The following CA13 variants were observed in gnomAD, a reference collection of about 807,000 sequenced individuals.
CA13 encodes carbonic anhydrase 13.
A neutral mutation model predicts 31.5 loss-of-function variants in CA13; 21 were observed. The observed-to-expected ratio is 0.67, with a 90% CI of 0.47 to 0.96. CA13 has a LOEUF of 0.96. Among genes scored for constraint, CA13 ranks in the 40% least tolerant of loss-of-function variants. CA13 has a pLI of 0.00. For missense variants in CA13, 315 were observed against 318.9 expected (o/e 0.99, Z 0.09); for synonymous variants, 117 against 111.4 (o/e 1.05, Z -0.32).
intron 4 of CA13, chr8:85,267,104 A>T (rs947613672): frequency 6.1e-6 from 2 of 328,220 alleles, no homozygotes; most frequent in African/African-American, 4.5e-5. Context: ...TTTTTAAAAA[A>T]ATTTTATTGT....
intron 6 of CA13, among the ~76,000 whole-genome samples, chr8:85,274,238 G>T (rs1487415865): frequency 2.6e-5 from 4 of 152,272 alleles, no homozygotes; most frequent in African/African-American, 9.6e-5. Flanking sequence ...CATAGGGGTG[G>T]CGTGAGCACC....
chr8:85,259,149 T>C (rs1807343562), intron 2 of CA13, among the ~76,000 whole-genome samples: 1 of 152,216 alleles, frequency 6.6e-6, no homozygotes, highest in Admixed American at 6.5e-5. Context: ...GAAGTCCTAA[T>C]TTCTATGCCT....
At chr8:85,278,799 T>C (rs942911571) in intron 6 of CA13, among the ~76,000 whole-genome samples, 11 of 152,112 alleles carry the variant, frequency 7.2e-5, no homozygotes, top group African/African-American at 2.7e-4. Flanking sequence ...TAGGGGAAAA[T>C]AAGTAAACAG....
intron 1 of CA13, among the ~76,000 whole-genome samples, chr8:85,248,538 T>C (rs908894179): frequency 2.6e-5 from 4 of 151,278 alleles, no homozygotes; most frequent in African/African-American, 9.7e-5. Context: ...GATGGGAGGA[T>C]TGCCTGAGGC....
At chr8:85,255,471 T>G (rs1314388529) in intron 2 of CA13, among the ~76,000 whole-genome samples, 1 of 151,966 alleles carries the variant, frequency 6.6e-6, no homozygotes, top group African/African-American at 2.4e-5. Flanking sequence ...GCCATGTTGG[T>G]CAAGCTGGTC....
chr8:85,247,595 A>T (rs1813754604), intron 1 of CA13, among the ~76,000 whole-genome samples: 1 of 152,006 alleles, frequency 6.6e-6, no homozygotes, highest in Admixed American at 6.6e-5. Flanking sequence ...TTTTGAGATG[A>T]GTCTTGCTCT....
chr8:85,269,583 T>C (rs1807500597), intron 6 of CA13, among the ~76,000 whole-genome samples: 2 of 152,164 alleles, frequency 1.3e-5, no homozygotes, highest in Non-Finnish European at 2.9e-5. Context: ...ACAAAAACTT[T>C]TGTTGGGCTG....
intron 6 of CA13, among the ~76,000 whole-genome samples, chr8:85,280,261 A>T (rs2130020129): frequency 6.6e-6 from 1 of 152,318 alleles, no homozygotes; most frequent in South Asian, 2.1e-4. Context: ...GCCTGGTGAC[A>T]CAGCAAGACT....
At chr8:85,252,384 T>A (rs571792890) in intron 2 of CA13, among the ~76,000 whole-genome samples, 68 of 152,260 alleles carry the variant, frequency 4.5e-4, no homozygotes, top group African/African-American at 1.2e-3. Flanking sequence ...TTAATTTTTT[T>A]AAAAAAATAA....
At chr8:85,276,154 G>A (rs1305486325) in intron 6 of CA13, among the ~76,000 whole-genome samples, 1 of 152,074 alleles carries the variant, frequency 6.6e-6, no homozygotes, top group Admixed American at 6.5e-5. Context: ...TCCCGCACTC[G>A]GAGCGGCGGG....
At chr8:85,275,895 G>C (rs1438525839) in intron 6 of CA13, among the ~76,000 whole-genome samples, 1 of 152,230 alleles carries the variant, frequency 6.6e-6, no homozygotes, top group Non-Finnish European at 1.5e-5. Flanking sequence ...AGGTGACAGC[G>C]TGCTGGCAGT....
At chr8:85,274,790 AG>A (rs1188251918) in intron 6 of CA13, among the ~76,000 whole-genome samples, 1 of 152,206 alleles carries the variant, frequency 6.6e-6, no homozygotes, top group Non-Finnish European at 1.5e-5. Flanking sequence ...CCTCAGCCCA[AG>A]TGGCAGGACC....
At chr8:85,268,422 A>G (rs369849769) in intron 5 of CA13, 50 bp from the exon 6 acceptor site, 21 of 1,560,494 alleles carry the variant, frequency 1.3e-5, no homozygotes, top group Non-Finnish European at 1.9e-5. Context: ...TTTGAGGTCT[A>G]TGTAGAGCTA....
Position 85,281,439 on chromosome 8 carries a change from G to C in CA13, c.*90G>C, listed in dbSNP as rs1248901215. On this transcript the variant is annotated 3_prime_UTR_variant, in exon 7 of 7. Transcript: ENST00000321764. Reference sequence around the variant, plus strand: ...AAAAGTCTCTGCCAACAACTCTTTTGTGGAATTCTAATTTATAGGAAACAT... The same window carrying C: ...AAAAGTCTCTGCCAACAACTCTTTTCTGGAATTCTAATTTATAGGAAACAT... 34 of 1,530,378 alleles carry C rather than the reference G, an allele frequency of 2.2e-5. 2 individuals carry two copies. In the South Asian group the frequency reaches 4.2e-4, roughly 19 times the overall value. 94.8% of individuals were successfully genotyped at this position (1,530,378 alleles called of 1,614,324 possible).
chr8:85,268,007 C>T, intron 5 of CA13, 43 bp downstream of exon 5: 1 of 1,198,556 alleles, frequency 8.3e-7, no homozygotes, highest in Non-Finnish European at 1.2e-6. Context: ...TTCTTGTTCT[C>T]TCCCACATTC....
intron 1 of CA13, among the ~76,000 whole-genome samples, chr8:85,249,239 C>G (rs1182701251): frequency 6.6e-6 from 1 of 152,174 alleles, no homozygotes; most frequent in Non-Finnish European, 1.5e-5. Context: ...TGGCTCATGC[C>G]TGTAATCCCA....
intron 6 of CA13, 62 bp from the exon 7 acceptor site, chr8:85,281,168 G>C (rs1807698517): frequency 2.7e-5 from 42 of 1,579,808 alleles, no homozygotes; most frequent in East Asian, 4.5e-5. Context: ...CTTTATGCAG[G>C]GTAATTCATT....
At chr8:85,268,006 T>C in intron 5 of CA13, 42 bp downstream of exon 5, 1 of 1,201,430 alleles carries the variant, frequency 8.3e-7, no homozygotes, top group Non-Finnish European at 1.2e-6. Flanking sequence ...TTTCTTGTTC[T>C]CTCCCACATT....
chr8:85,265,614 T>A (rs547984750), intron 3 of CA13, among the ~76,000 whole-genome samples: 8 of 151,942 alleles, frequency 5.3e-5, no homozygotes, highest in Admixed American at 2.6e-4. Context: ...TACCTCTTTT[T>A]CCCCCATTGA....
Sources: gnomAD v4.1 joint callset for allele counts (sites outside exome capture counted in the v4.1 genomes callset) on GRCh38, gnomAD v4.1.1 for gene constraint, MANE v1.5 for transcripts, NCBI Gene and HGNC (gene_info 2026-07-23, HGNC 2026-07-21) for gene names.